Variants in ASB6 observed in about 807,000 individuals in gnomAD.
ASB6 encodes ankyrin repeat and SOCS box containing 6, also known as ankyrin repeat and SOCS box protein 6.
Under a neutral mutation model 28.6 loss-of-function variants are expected in ASB6, and 24 were observed. That is an observed-to-expected ratio of 0.84 (90% CI 0.61 to 1.18). ASB6 has a LOEUF of 1.18. Ranked by LOEUF, ASB6 falls within the 50% of genes most tolerant of loss-of-function variation. The pLI is 0.00. For missense variants in ASB6, 519 were observed against 559.8 expected (o/e 0.93, Z 0.74); for synonymous variants, 267 against 243.4 (o/e 1.10, Z -0.90).
Position 129,638,278 on chromosome 9 carries a change from CGTG to C in ASB6, c.775_777del (p.His259del). The C allele has an allele frequency of 6.2e-7, 1 of 1,613,288 alleles. No homozygotes were observed. Among genetic ancestry groups the C allele is most frequent in the South Asian group, 1.1e-5 (1 of 91,086 alleles). On this transcript the variant is annotated inframe_deletion, in exon 6 of 6. Coordinates refer to ENST00000277458, the MANE Select transcript of ASB6 (RefSeq NM_017873.4). ...TTCAGGCAGATGTGGGTGAGGGACTCGTGGGCTGGGCACTCGCTGGGGTCGGCC... is the reference window on the plus strand; with the variant it reads ...TTCAGGCAGATGTGGGTGAGGGACTCGGCTGGGCACTCGCTGGGGTCGGCC...
chr9:129,641,638 A>G (rs779446789), intron 1 of ASB6, among the ~76,000 whole-genome samples: 1 of 151,468 alleles, frequency 6.6e-6, no homozygotes, highest in Non-Finnish European at 1.5e-5. Flanking sequence ...GGTGGGGCTG[A>G]GGCGCAGGCC....
chr9:129,640,810 T>C (rs1831678211), intron 1 of ASB6, 88 bp from the exon 2 acceptor site: 2 of 1,484,608 alleles, frequency 1.3e-6, no homozygotes, highest in Middle Eastern at 2.1e-4. Flanking sequence ...AGTCCTGCTA[T>C]CATCATCAGC....
chr9:129,635,110 C>G lies in ASB6; in HGVS notation c.*2680G>C. On this transcript the variant is annotated 3_prime_UTR_variant, in exon 6 of 6. Transcript: ENST00000277458. ...CCATGTGTGCACACAAAATGCTGGGCACAAATGAGGGGCTCAGCGGGGCTG... is the reference window on the plus strand; with the variant it reads ...CCATGTGTGCACACAAAATGCTGGGGACAAATGAGGGGCTCAGCGGGGCTG... 1 of 1,428,928 alleles carries G rather than the reference C, an allele frequency of 7.0e-7. No homozygotes were observed. The highest frequency in any genetic ancestry group is 9.5e-7 in the Non-Finnish European group (1 of 1,055,240). The allele number at this position is 1,428,928 out of a possible 1,614,324, so 88.5% of individuals were successfully genotyped here.
Position 129,638,562 on chromosome 9 carries a change from G to A in ASB6, c.598+11C>T, listed in dbSNP as rs1381000035. 20 of 1,613,324 alleles carry A rather than the reference G, an allele frequency of 1.2e-5. No homozygotes were observed. Among genetic ancestry groups the A allele is most frequent in the Admixed American group, 3.3e-5 (2 of 59,918 alleles). ...GTGAGAGGACGAGGCCTAGGAGCGC[G>A]CCAGCCTCACCTCCTTCCAGTAAGA... is the stretch of plus-strand genomic sequence containing the variant. On this transcript the variant is annotated intron_variant, in intron 5 of 5. Transcript: ENST00000277458.
chr9:129,637,820 C>G lies in ASB6; in HGVS notation c.1236G>C (p.Glu412Asp). 1 of 1,515,180 alleles carries G rather than the reference C, an allele frequency of 6.6e-7. No individual in the cohort carries two copies. The highest frequency in any genetic ancestry group is 8.8e-7 in the Non-Finnish European group (1 of 1,132,150). The allele number at this position is 1,515,180 out of a possible 1,614,324, so 93.9% of individuals were successfully genotyped here. A position where few individuals can be genotyped will look rare whatever the true frequency, so the allele number is the denominator to read the frequency against. The part of the protein sequence containing the change: ...PDRLKWYLLS[E>D]HSGSVEDDI Reference sequence around the variant, plus strand: ...TGTCATCTTCCACGGAGCCACTGTGCTCGCTAAGGAGGTACCACTTCAGCC... The same window carrying G: ...TGTCATCTTCCACGGAGCCACTGTGGTCGCTAAGGAGGTACCACTTCAGCC... Residue 412 changes from glutamate (E) to aspartate (D), a missense_variant, in exon 6 of 6, where the codon GAG becomes GAC. Coordinates refer to ENST00000277458, the MANE Select transcript of ASB6 (RefSeq NM_017873.4).
In ASB6 at chr9:129,638,679, A is replaced by G. The variant is rs1831619546; in HGVS notation, c.512-20T>C. On this transcript the variant is annotated intron_variant, in intron 4 of 5. Coordinates refer to ENST00000277458, the MANE Select transcript of ASB6 (RefSeq NM_017873.4). ...TTTTTCCTAGGGAGGGAGGGAGAGC[A>G]AGGAGGAGCAGGAGGCCAGGAAGCC... 3.7e-6 allele frequency: 6 copies of G among 1,602,846 alleles called. No individual in the cohort carries two copies. The highest frequency in any genetic ancestry group is 1.1e-5 in the South Asian group (1 of 89,646).
chr9:129,638,430 TC>T lies in ASB6; in HGVS notation c.625del (p.Asp209MetfsTer26). The T allele has an allele frequency of 6.2e-7, 1 of 1,611,676 alleles. No individual in the cohort carries two copies. The highest frequency in any genetic ancestry group is 8.5e-7 in the Non-Finnish European group (1 of 1,178,282). Reference protein sequence around the residue: ...GGADVKATTKDGDTVFTCIIF... With the variant: ...GGADVKATTKXGDTVFTCIIF... ...GATGCAGGTGAACACTGTGTCCCCA[TC>T]TTTGGTGGTGGCCTTGACGTCTGCC... On this transcript the variant is annotated frameshift_variant, in exon 6 of 6. Transcript: ENST00000277458. LOFTEE classifies it high-confidence loss of function.
Position 129,636,894 on chromosome 9 carries a change from AAGGC to A in ASB6, c.*892_*895del, listed in dbSNP as rs1831569924. ...GGAAATTTTATATAAGGACCTTGTTAAGGCCAAGAAAGTCAGTTTAATCTTATAA... is the reference window on the plus strand; with the variant it reads ...GGAAATTTTATATAAGGACCTTGTTACAAGAAAGTCAGTTTAATCTTATAA... On this transcript the variant is annotated 3_prime_UTR_variant, in exon 6 of 6. Transcript: ENST00000277458. The A allele has an allele frequency of 3.3e-5, 5 of 152,282 alleles. No homozygotes were observed. The East Asian group carries it at 5.8e-4, about 18-fold the overall frequency. 9.4% of individuals were successfully genotyped at this position (152,282 alleles called of 1,614,324 possible). A position where few individuals can be genotyped will look rare whatever the true frequency, so the allele number is the denominator to read the frequency against.
chr9:129,640,836 T>C (rs750225937), intron 1 of ASB6, 114 bp from the exon 2 acceptor site: 2 of 1,305,826 alleles, frequency 1.5e-6, no homozygotes, highest in Non-Finnish European at 2.1e-6. Context: ...GGGCCCTGGC[T>C]CTGTGGGTCA....
chr9:129,635,129 G>A lies in ASB6; in HGVS notation c.*2661C>T, dbSNP rs895314109. ...GCTGGGCACAAATGAGGGGCTCAGC[G>A]GGGCTGAGAAGTACATCCCATCCAG... On this transcript the variant is annotated 3_prime_UTR_variant, in exon 6 of 6. Coordinates refer to ENST00000277458, the MANE Select transcript of ASB6 (RefSeq NM_017873.4). The A allele has an allele frequency of 1.6e-5, 24 of 1,503,736 alleles. No homozygotes were observed. The highest frequency in any genetic ancestry group is 2.7e-5 in the African/African-American group (2 of 72,996). 93.1% of individuals were successfully genotyped at this position (1,503,736 alleles called of 1,614,324 possible). A position where few individuals can be genotyped will look rare whatever the true frequency, so the allele number is the denominator to read the frequency against.
Position 129,635,342 on chromosome 9 carries a change from T to A in ASB6, c.*2448A>T. 3 of 1,613,862 alleles carry A rather than the reference T, an allele frequency of 1.9e-6. No individual in the cohort carries two copies. Among genetic ancestry groups the A allele is most frequent in the Non-Finnish European group, 2.5e-6 (3 of 1,180,044 alleles). ...TCTGGACGACGTGGACAGCAGCGTG[T>A]GCCGGGACCTTGACGTGGTCCGCAG... is the stretch of plus-strand genomic sequence containing the variant. On this transcript the variant is annotated 3_prime_UTR_variant, in exon 6 of 6. Transcript: ENST00000277458.
intron 1 of ASB6, 26 bp downstream of exon 1, chr9:129,641,861 C>G: frequency 6.4e-7 from 1 of 1,568,354 alleles, no homozygotes; most frequent in Non-Finnish European, 8.7e-7. Context: ...GCGGCCTCGG[C>G]CAGCTCACGG....
chr9:129,639,364 C>A (rs369808920), intron 3 of ASB6, 38 bp downstream of exon 3: 1 of 1,601,960 alleles, frequency 6.2e-7, no homozygotes, highest in Non-Finnish European at 8.5e-7. Context: ...AGGCCCCTGC[C>A]CAACCCTGCT....
intron 1 of ASB6, chr9:129,640,949 C>T: frequency 1.8e-6 from 1 of 548,494 alleles, no homozygotes; most frequent in Non-Finnish European, 3.1e-6. Context: ...TCTGTCTGCG[C>T]TCTCCTCCCG....
chr9:129,642,149 C>A lies in ASB6; in HGVS notation c.-150G>T. On this transcript the variant is annotated 5_prime_UTR_variant, in exon 1 of 6. Coordinates refer to ENST00000277458, the MANE Select transcript of ASB6 (RefSeq NM_017873.4). This position sits in a 1 kb window ranked among gnomAD's most constrained non-coding sequence, Gnocchi z 4.3. ...GCCGGGTCCGCTCCTCAGTCCAAGCCGCGCCCCCGCCGGAAGTGACCCTCG... is the reference window on the plus strand; with the variant it reads ...GCCGGGTCCGCTCCTCAGTCCAAGCAGCGCCCCCGCCGGAAGTGACCCTCG... 6.2e-6 allele frequency: 8 copies of A among 1,300,032 alleles called. No individual in the cohort carries two copies. The highest frequency in any genetic ancestry group is 7.8e-6 in the Non-Finnish European group (8 of 1,023,116). The allele number at this position is 1,300,032 out of a possible 1,614,324, so 80.5% of individuals were successfully genotyped here.
At position 129,638,208 on chromosome 9, in the gene ASB6, G is replaced by T; in HGVS notation, c.848C>A (p.Ser283Tyr). ...CAGGGAGCAGTTGTAGGCGGCTCCG[G>T]ACTCCAGGAGGAAGCGCAGGAGAGG... ...HFPLLRFLLE[S>Y]GAAYNCSLHG... The change falls in exon 6 of 6, where the codon TCC (serine) becomes TAC (tyrosine). Residue 283 changes from serine (S) to tyrosine (Y), a missense_variant. Coordinates refer to ENST00000277458, the MANE Select transcript of ASB6 (RefSeq NM_017873.4). 1 of 1,613,488 alleles carries T rather than the reference G, an allele frequency of 6.2e-7. No homozygotes were observed. Among genetic ancestry groups the T allele is most frequent in the Non-Finnish European group, 8.5e-7 (1 of 1,179,802 alleles).
In ASB6 at chr9:129,637,751, G is replaced by A; in HGVS notation, c.*39C>T. On this transcript the variant is annotated 3_prime_UTR_variant, in exon 6 of 6. Transcript: ENST00000277458. ...CCAGCATCTACCAACAGGCTGACCTGAGCTGCCCGTGTCCCCCGTTCCTGT... is the reference window on the plus strand; with the variant it reads ...CCAGCATCTACCAACAGGCTGACCTAAGCTGCCCGTGTCCCCCGTTCCTGT... 1 of 1,477,652 alleles carries A rather than the reference G, an allele frequency of 6.8e-7. No homozygotes were observed. Among genetic ancestry groups the A allele is most frequent in the Non-Finnish European group, 9.0e-7 (1 of 1,105,364 alleles). 91.5% of individuals were successfully genotyped at this position (1,477,652 alleles called of 1,614,324 possible). A position where few individuals can be genotyped will look rare whatever the true frequency, so the allele number is the denominator to read the frequency against.
intron 2 of ASB6, among the ~76,000 whole-genome samples, chr9:129,639,793 C>T (rs368232270): frequency 6.6e-6 from 1 of 152,238 alleles, no homozygotes; most frequent in Non-Finnish European, 1.5e-5. Context: ...TGGGAGGCCG[C>T]GCTACACAGC....
chr9:129,640,017 C>T (rs565757016), intron 2 of ASB6, among the ~76,000 whole-genome samples: 55 of 152,314 alleles, frequency 3.6e-4, no homozygotes, highest in African/African-American at 1.3e-3. Context: ...GCCTGTCTGC[C>T]GACTAACCCT....
Sources: gnomAD v4.1 joint callset for allele counts (sites outside exome capture counted in the v4.1 genomes callset) on GRCh38, gnomAD v4.1.1 for gene constraint, Gnocchi (gnomAD v3.1) non-coding constraint, MANE v1.5 for transcripts, NCBI Gene and HGNC (gene_info 2026-07-23, HGNC 2026-07-21) for gene names.